Variants in ITGA3 observed in about 807,000 individuals in gnomAD.
The protein encoded by ITGA3 is integrin alpha-3.
In ITGA3, 70 loss-of-function variants were observed where a neutral mutation model predicts 131.1. The ratio of observed to expected loss-of-function variants is 0.53; its 90% CI spans 0.44 to 0.65. ITGA3 has a LOEUF of 0.65. ITGA3 is among the 30% of genes least tolerant of loss of function. The pLI, the probability that ITGA3 is intolerant of heterozygous loss-of-function variation, is 0.00. For missense variants in ITGA3, 1,098 were observed against 1,388.6 expected, an observed-to-expected ratio of 0.79 and a Z score of 3.33; for synonymous variants, 537 against 571.6, an observed-to-expected ratio of 0.94 and a Z score of 0.86.
chr17:50,088,999 A>AGAGTTCTGGCTTTGAG, intron 25 of ITGA3, 111 bp from the exon 26 acceptor site: 3 of 789,762 alleles, frequency 3.8e-6, no homozygotes. Context: ...GTTTCGGTCA[A>AGAGTTCTGGCTTTGAG]GAGTTCTGGC....
chr17:50,068,313 C>T lies in ITGA3; in HGVS notation c.664+8C>T, dbSNP rs774200469. ...GTGCCTACAACTGGAAAGGTGGGGA[C>T]CATGGGGCCATGGGGGAAGAAAGGA... On this transcript the variant is annotated splice_region_variant and intron_variant, in intron 4 of 25. Coordinates refer to ENST00000320031, the MANE Select transcript of ITGA3 (RefSeq NM_002204.4). 2 of 1,610,718 alleles carry T rather than the reference C, an allele frequency of 1.2e-6. No individual in the cohort carries two copies. The highest frequency in any genetic ancestry group is 1.1e-5 in the South Asian group (1 of 91,056).
Position 50,056,737 on chromosome 17 carries a change from G to T in ITGA3, c.206+92G>T. On this transcript the variant is annotated intron_variant, in intron 1 of 25. Coordinates refer to ENST00000320031, the MANE Select transcript of ITGA3 (RefSeq NM_002204.4). This position sits in a 1 kb window ranked among gnomAD's most constrained non-coding sequence, Gnocchi z 5.6. ...GCTGAGTCGGAGCCCAGGGCAGCTGGCCCTTGGGAGCCAGGATTAAGGGGC... is the reference window on the plus strand; with the variant it reads ...GCTGAGTCGGAGCCCAGGGCAGCTGTCCCTTGGGAGCCAGGATTAAGGGGC... 2 of 1,296,740 alleles carry T rather than the reference G, an allele frequency of 1.5e-6. No individual in the cohort carries two copies. The highest frequency in any genetic ancestry group is 2.1e-6 in the Non-Finnish European group (2 of 945,984). The allele number at this position is 1,296,740 out of a possible 1,614,324, so 80.3% of individuals were successfully genotyped here. A position where few individuals can be genotyped will look rare whatever the true frequency, so the allele number is the denominator to read the frequency against.
At chr17:50,073,045 A>C (rs1272603325) in intron 7 of ITGA3, among the ~76,000 whole-genome samples, 1 of 152,180 alleles carries the variant, frequency 6.6e-6, no homozygotes, top group South Asian at 2.1e-4. Context: ...CAGTCACCAG[A>C]GGCCAAGTGT....
chr17:50,089,064 C>T, intron 25 of ITGA3, 46 bp from the exon 26 acceptor site: 1 of 1,556,362 alleles, frequency 6.4e-7, no homozygotes, highest in Non-Finnish European at 8.8e-7. Flanking sequence ...CCTGGTGGCT[C>T]AAACTCTGGA....
At chr17:50,081,061 C>CTAGA (rs1362182106) in intron 22 of ITGA3, 2 of 495,156 alleles carry the variant, frequency 4.0e-6, no homozygotes, top group Non-Finnish European at 7.3e-6. Context: ...CAGGCCTGAC[C>CTAGA]TAGACTGTGA....
rs1041122221 is a variant in ITGA3 at position 50,072,199 on chromosome 17, CT to C, written c.1156+18del. The C allele has an allele frequency of 6.2e-7, 1 of 1,602,430 alleles. No homozygotes were observed. Among genetic ancestry groups the C allele is most frequent in the African/African-American group, 1.3e-5 (1 of 74,720 alleles). ...GATTTCAGGGTATGAGCCAGCACTC[CT>C]CCCCCAGCACCCCTCCTCCAGCACC... On this transcript the variant is annotated intron_variant, in intron 7 of 25. Coordinates refer to ENST00000320031, the MANE Select transcript of ITGA3 (RefSeq NM_002204.4).
Position 50,074,293 on chromosome 17 carries a change from G to A in ITGA3, c.1382+13G>A, listed in dbSNP as rs768657346. 1.9e-6 allele frequency: 3 copies of A among 1,613,486 alleles called. No homozygotes were observed. Among genetic ancestry groups the A allele is most frequent in the Admixed American group, 3.3e-5 (2 of 59,924 alleles). ...TTGTGCTGCTGCGGTGAGCCAGGAG[G>A]CCAGTGAATAAGGGTCTTTCTCTTC... On this transcript the variant is annotated intron_variant, in intron 9 of 25. Coordinates refer to ENST00000320031, the MANE Select transcript of ITGA3 (RefSeq NM_002204.4).
At chr17:50,077,299 C>A in intron 15 of ITGA3, 80 bp from the exon 16 acceptor site, 1 of 1,391,844 alleles carries the variant, frequency 7.2e-7, no homozygotes, top group Non-Finnish European at 1.0e-6. Context: ...AGCTCTAGGG[C>A]TTCTGACCTT....
chr17:50,081,311 A>G lies in ITGA3; in HGVS notation c.2822A>G (p.Asp941Gly). Reference sequence around the variant, plus strand: ...TGACCCACCCCACTCCCAATCCAGGATTACAGAGACTTTGACCGAGTCCGG... The same window carrying G: ...TGACCCACCCCACTCCCAATCCAGGGTTACAGAGACTTTGACCGAGTCCGG... Reference protein sequence around the residue: ...ARVWNSTFIEDYRDFDRVRVN... With the variant: ...ARVWNSTFIEGYRDFDRVRVN... Residue 941 changes from aspartate (D) to glycine (G), a missense_variant and splice_region_variant, in exon 23 of 26, where the codon GAT (aspartate) becomes GGT (glycine). By Grantham distance (94) the Asp-to-Gly change is moderately conservative. Transcript: ENST00000320031. 2.5e-6 allele frequency: 4 copies of G among 1,581,552 alleles called. No individual in the cohort carries two copies. The highest frequency in any genetic ancestry group is 3.4e-6 in the Non-Finnish European group (4 of 1,161,352).
intron 1 of ITGA3, among the ~76,000 whole-genome samples, chr17:50,058,928 A>AG (rs1304487427): frequency 6.6e-6 from 1 of 152,238 alleles, no homozygotes; most frequent in Admixed American, 6.5e-5. Context: ...CAAGAGATGC[A>AG]GGGACTCCCT....
intron 13 of ITGA3, 40 bp from the exon 14 acceptor site, chr17:50,076,541 TGGG>T (rs3216895): frequency 0.11 from 173,257 of 1,585,780 alleles, 12,346 homozygotes; most frequent in East Asian, 0.33. Flanking sequence ...GAGAGGGCAC[TGGG>T]GGGGGTGGTG....
rs764489304 is a variant in ITGA3, at chr17:50,076,542, G to A, written c.1825-42G>A. The stretch of plus-strand genomic sequence containing the variant: ...AAGGGCGGTGGGGCGAGAGGGCACT[G>A]GGGGGGGTGGTGCGGCCTTCACACC... On this transcript the variant is annotated intron_variant, in intron 13 of 25. Coordinates refer to ENST00000320031, the MANE Select transcript of ITGA3 (RefSeq NM_002204.4). The A allele has an allele frequency of 4.1e-6, 5 of 1,233,732 alleles. No individual in the cohort carries two copies. In the African/African-American group the frequency reaches 8.6e-5, roughly 21 times the overall value. 76.4% of individuals were successfully genotyped at this position (1,233,732 alleles called of 1,614,324 possible). A position where few individuals can be genotyped will look rare whatever the true frequency, so the allele number is the denominator to read the frequency against.
intron 4 of ITGA3, among the ~76,000 whole-genome samples, chr17:50,068,766 T>C (rs1321325149): frequency 6.6e-6 from 1 of 152,126 alleles, no homozygotes. Context: ...CCTCCCAAAG[T>C]GCTGGGATTA....
rs1213839660 is a variant in ITGA3, at chr17:50,074,444, G to T, written c.1383-4G>T. On this transcript the variant is annotated splice_region_variant and splice_polypyrimidine_tract_variant and intron_variant, in intron 9 of 25. Transcript: ENST00000320031. ...ATATCTGTCTGGCTCTGTTGTCTCT[G>T]CAGGGCCCGGCCCGTCATCAACATC... is the stretch of plus-strand genomic sequence containing the variant. 6.2e-7 allele frequency: 1 copy of T among 1,613,770 alleles called. No individual in the cohort carries two copies. The highest frequency in any genetic ancestry group is 1.7e-5 in the Admixed American group (1 of 60,014).
At position 50,089,467 on chromosome 17, in the gene ITGA3, A is replaced by C. The variant is rs930888435; in HGVS notation, c.*389A>C. ...GGAGGGCCAGCGCTGTGGACCTTAC[A>C]ACGCCGAGTGCACTGCATTCCTGTG... On this transcript the variant is annotated 3_prime_UTR_variant, in exon 26 of 26. Coordinates refer to ENST00000320031, the MANE Select transcript of ITGA3 (RefSeq NM_002204.4). 2 of 586,260 alleles carry C rather than the reference A, an allele frequency of 3.4e-6. No individual in the cohort carries two copies. Among genetic ancestry groups the C allele is most frequent in the African/African-American group, 3.7e-5 (2 of 53,540 alleles). 36.3% of individuals were successfully genotyped at this position (586,260 alleles called of 1,614,324 possible). A position where few individuals can be genotyped will look rare whatever the true frequency, so the allele number is the denominator to read the frequency against.
chr17:50,086,801 CCAGCA>C (rs1909466799), intron 23 of ITGA3: 2 of 151,828 alleles, frequency 1.3e-5, no homozygotes, highest in Non-Finnish European at 2.9e-5. Flanking sequence ...GCCTGTAATC[CCAGCA>C]CTTTGGGAGG....
chr17:50,081,193 GGTGCTGTTTA>G, intron 22 of ITGA3, 107 bp from the exon 23 acceptor site: 1 of 631,602 alleles, frequency 1.6e-6, no homozygotes, highest in East Asian at 2.8e-5. Context: ...GATCCTTTGG[GGTGCTGTTTA>G]AGGATGCTAC....
In ITGA3 at chr17:50,079,073, C is replaced by T; in HGVS notation, c.2401-3C>T. 2 of 1,613,124 alleles carry T rather than the reference C, an allele frequency of 1.2e-6. No individual in the cohort carries two copies. The highest frequency in any genetic ancestry group is 1.7e-6 in the Non-Finnish European group (2 of 1,179,372). On this transcript the variant is annotated splice_region_variant and splice_polypyrimidine_tract_variant and intron_variant, in intron 19 of 25. Coordinates refer to ENST00000320031, the MANE Select transcript of ITGA3 (RefSeq NM_002204.4). ...ATGACTATGACACATCTTGTGCCCA[C>T]AGGTGGGCCCAATGGGGGAGGGGCT...
intron 1 of ITGA3, chr17:50,063,479 C>T (rs1014162241): frequency 3.3e-5 from 5 of 153,030 alleles, no homozygotes; most frequent in African/African-American, 9.6e-5. Context: ...CTCTGAACCC[C>T]CAGAATTTGA....
Sources: gnomAD v4.1 joint callset for allele counts (sites outside exome capture counted in the v4.1 genomes callset) on GRCh38, gnomAD v4.1.1 for gene constraint, Gnocchi (gnomAD v3.1) non-coding constraint, MANE v1.5 for transcripts, NCBI Gene and HGNC (gene_info 2026-07-23, HGNC 2026-07-21) for gene names.